CLDN10: variants seen among roughly 807,000 people sequenced by gnomAD.
The protein encoded by CLDN10 is claudin-10.
In CLDN10, 15 loss-of-function variants were observed where a neutral mutation model predicts 22.9. The observed-to-expected ratio is 0.65, with a 90% CI of 0.44 to 1.01. The LOEUF is 1.01. Among genes scored for constraint, CLDN10 ranks in the 50% least tolerant of loss-of-function variants. The pLI, the probability that CLDN10 is intolerant of heterozygous loss-of-function variation, is 0.00. For synonymous variants in CLDN10, 114 were observed against 111.4 expected (o/e 1.02, Z -0.15); for missense variants, 247 against 287.8 (o/e 0.86, Z 1.03).
chr13:95,482,873 G>A (rs7326265), intron 1 of CLDN10, among the ~76,000 whole-genome samples: 90,230 of 152,002 alleles, frequency 0.59, 28,018 homozygotes, highest in African/African-American at 0.79. Context: ...CAGCTACTCC[G>A]GAGGCTAAGA....
At chr13:95,490,900 T>C (rs1335055293) in intron 1 of CLDN10, among the ~76,000 whole-genome samples, 1 of 152,216 alleles carries the variant, frequency 6.6e-6, no homozygotes, top group Non-Finnish European at 1.5e-5. Context: ...ATCTCATTTC[T>C]TAGGTCTAAT....
intron 1 of CLDN10, among the ~76,000 whole-genome samples, chr13:95,533,472 C>T (rs1195888800): frequency 6.6e-6 from 1 of 152,136 alleles, no homozygotes; most frequent in African/African-American, 2.4e-5. Context: ...ATACATTTCA[C>T]AGAATTGTTT....
Position 95,577,288 on chromosome 13 carries a change from T to C in CLDN10, c.522T>C (p.Ile174=), listed in dbSNP as rs1434863547. 6.2e-7 allele frequency: 1 copy of C among 1,614,164 alleles called. No homozygotes were observed. Among genetic ancestry groups the C allele is most frequent in the South Asian group, 1.1e-5 (1 of 91,086 alleles). Residue 174 remains isoleucine, a synonymous_variant, in exon 4 of 5, where the codon ATT becomes ATC. Transcript: ENST00000299339. ...GGGCAGGAGCCTCACTGTGCATAAT[T>C]GGTGGTGTCATATTTTGCTTTTCAA... ...IGWAGASLCI[I]GGVIFCFSIS... is the part of the protein sequence containing the mutation.
intron 3 of CLDN10, among the ~76,000 whole-genome samples, chr13:95,575,018 C>T (rs1280440108): frequency 6.6e-6 from 1 of 152,148 alleles, no homozygotes; most frequent in Non-Finnish European, 1.5e-5. Flanking sequence ...CATCCCCCAA[C>T]TGGCCACTAT....
chr13:95,565,142 AT>A (rs930641718), intron 3 of CLDN10, among the ~76,000 whole-genome samples: 1 of 151,814 alleles, frequency 6.6e-6, no homozygotes, highest in African/African-American at 2.4e-5. Context: ...AAAAAAAAAA[AT>A]CTCCTGCAAG....
At chr13:95,495,637 G>A (rs113884818) in intron 1 of CLDN10, among the ~76,000 whole-genome samples, 80 of 151,338 alleles carry the variant, frequency 5.3e-4, no homozygotes, top group African/African-American at 1.9e-3. Flanking sequence ...CCAGCTACTT[G>A]GGAGGCTGAG....
chr13:95,447,078 G>A (rs1169287776), intron 1 of CLDN10, among the ~76,000 whole-genome samples: 2 of 152,092 alleles, frequency 1.3e-5, no homozygotes, highest in Middle Eastern at 3.2e-3. Context: ...TAGTTTATAC[G>A]CACCAAATAT....
At chr13:95,505,753 T>TC (rs2043031685) in intron 1 of CLDN10, among the ~76,000 whole-genome samples, 1 of 125,826 alleles carries the variant, frequency 7.9e-6, no homozygotes, top group African/African-American at 3.8e-5. Flanking sequence ...CCCTTTCTTT[T>TC]TTTTTTTTTT....
At chr13:95,569,863 G>T (rs1307111490) in intron 3 of CLDN10, among the ~76,000 whole-genome samples, 1 of 151,908 alleles carries the variant, frequency 6.6e-6, no homozygotes, top group Admixed American at 6.6e-5. Flanking sequence ...CCGCCTCCTG[G>T]GTTCACGCCA....
At chr13:95,488,676 C>T (rs575733102) in intron 1 of CLDN10, among the ~76,000 whole-genome samples, 6 of 152,296 alleles carry the variant, frequency 3.9e-5, no homozygotes, top group African/African-American at 9.6e-5. Flanking sequence ...TTATCCAGGT[C>T]ACTGCAAACA....
intron 1 of CLDN10, among the ~76,000 whole-genome samples, chr13:95,512,779 C>G (rs923776999): frequency 2.0e-5 from 3 of 152,206 alleles, no homozygotes; most frequent in Non-Finnish European, 4.4e-5. Context: ...ATAGACTGAA[C>G]CTGATTAGGG....
chr13:95,546,651 G>C (rs1203563365), intron 1 of CLDN10, among the ~76,000 whole-genome samples: 5 of 152,180 alleles, frequency 3.3e-5, no homozygotes, highest in African/African-American at 1.2e-4. Flanking sequence ...CTTCTGAGTA[G>C]TTTGGAATAA....
At chr13:95,517,263 T>C (rs940653412) in intron 1 of CLDN10, among the ~76,000 whole-genome samples, 3 of 152,106 alleles carry the variant, frequency 2.0e-5, no homozygotes, top group African/African-American at 7.2e-5. Flanking sequence ...TACTGAGCCC[T>C]TGCTTAGGAG....
intron 1 of CLDN10, among the ~76,000 whole-genome samples, chr13:95,494,024 T>C (rs1261265962): frequency 6.6e-6 from 1 of 152,160 alleles, no homozygotes; most frequent in Non-Finnish European, 1.5e-5. Flanking sequence ...ATAAAGACGT[T>C]TTAACATAAC....
At chr13:95,453,470 G>A (rs1179480530) in intron 1 of CLDN10, among the ~76,000 whole-genome samples, 2 of 152,212 alleles carry the variant, frequency 1.3e-5, no homozygotes, top group East Asian at 1.9e-4. Context: ...ATCACCTGAA[G>A]TCAGGAGTTC....
At chr13:95,461,734 C>T (rs536589233) in intron 1 of CLDN10, among the ~76,000 whole-genome samples, 2 of 152,164 alleles carry the variant, frequency 1.3e-5, no homozygotes, top group African/African-American at 2.4e-5. Flanking sequence ...ACCACTTGAT[C>T]CCACAAGTGC....
chr13:95,501,987 C>T (rs149984260), intron 1 of CLDN10, among the ~76,000 whole-genome samples: 4 of 152,264 alleles, frequency 2.6e-5, no homozygotes, highest in Admixed American at 1.3e-4. Flanking sequence ...ACAATTTACA[C>T]CCTTAACTTA....
At chr13:95,553,926 G>A (rs749015085) in intron 1 of CLDN10, among the ~76,000 whole-genome samples, 10 of 152,200 alleles carry the variant, frequency 6.6e-5, no homozygotes, top group Non-Finnish European at 8.8e-5. Flanking sequence ...ACGAATCCTG[G>A]CAGAAACTTA....
intron 1 of CLDN10, among the ~76,000 whole-genome samples, chr13:95,537,220 T>C (rs1442032348): frequency 1.3e-5 from 2 of 152,252 alleles, no homozygotes; most frequent in Admixed American, 1.3e-4. Context: ...GATTAAAGAA[T>C]GCCTAATGAA....
Sources: allele counts gnomAD v4.1 joint callset (sites outside exome capture counted in the v4.1 genomes callset), GRCh38; gene constraint gnomAD v4.1.1; transcripts MANE v1.5; gene names NCBI Gene and HGNC (gene_info 2026-07-23, HGNC 2026-07-21).